KALRN: variants seen among roughly 807,000 people sequenced by gnomAD.
KALRN encodes the protein kalirin RhoGEF kinase, also known as kalirin.
A neutral mutation model predicts 353.7 loss-of-function variants in KALRN; 70 were observed. The ratio of observed to expected loss-of-function variants is 0.20; its 90% CI spans 0.16 to 0.24. The LOEUF (loss-of-function observed/expected upper bound fraction) is 0.24. Among genes scored for constraint, KALRN ranks in the 10% least tolerant of loss-of-function variants. KALRN has a pLI of 1.00. For missense variants in KALRN, 2,791 were observed against 3,756.7 expected (o/e 0.74, Z 6.72); for synonymous variants, 1,391 against 1,434.8 (o/e 0.97, Z 0.69).
At position 124,563,031 on chromosome 3, in the gene KALRN, G is replaced by A; in HGVS notation, c.5124G>A (p.Leu1708=). Residue 1708 remains leucine, a synonymous_variant, in exon 34 of 60, where the codon CTG becomes CTA. Coordinates refer to ENST00000682506, the MANE Select transcript of KALRN (RefSeq NM_001388419.1). ...PLEGLVPSSA[L]CISHSRSSVE... ...AGGGTCTGGTCCCCAGCAGCGCCCT[G>A]TGCATCTCACACTCCCGAAGCAGCG... 9 of 1,367,852 alleles carry A rather than the reference G, an allele frequency of 6.6e-6. No individual in the cohort carries two copies. Among genetic ancestry groups the A allele is most frequent in the South Asian group, 1.1e-5 (1 of 88,054 alleles). The allele number at this position is 1,367,852 out of a possible 1,614,324, so 84.7% of individuals were successfully genotyped here.
At chr3:124,183,178 G>C (rs1449107376) in intron 1 of KALRN, among the ~76,000 whole-genome samples, 1 of 152,192 alleles carries the variant, frequency 6.6e-6, no homozygotes, top group African/African-American at 2.4e-5. Context: ...GAGAGAGACT[G>C]TGTTAAGCTG....
At chr3:124,316,172 G>C (rs530096990) in intron 6 of KALRN, among the ~76,000 whole-genome samples, 1 of 152,148 alleles carries the variant, frequency 6.6e-6, no homozygotes, top group Non-Finnish European at 1.5e-5. Flanking sequence ...AATATATCCA[G>C]AATCTGGCCT....
At chr3:124,035,746 C>A (rs901851466) in intron 1 of KALRN, among the ~76,000 whole-genome samples, 1 of 152,238 alleles carries the variant, frequency 6.6e-6, no homozygotes, top group Non-Finnish European at 1.5e-5. Flanking sequence ...CTAACCCTGG[C>A]TCAAATCACA....
In KALRN at chr3:124,601,035, C is replaced by T. The variant is rs551478286; in HGVS notation, c.5183-31385C>T. 3.3e-5 allele frequency among the ~76,000 whole-genome samples: 5 copies of T among 152,294 alleles called. No individual in the cohort carries two copies. The East Asian group carries it at 9.6e-4, about 29-fold the overall frequency. ...GGCAATTCTCTGTCTTTAGTTCAGA[C>T]CTCTAAGAGCCAAGCATGGGTTAGG... On this transcript the variant is annotated intron_variant, in intron 34 of 59. Coordinates refer to ENST00000682506, the MANE Select transcript of KALRN (RefSeq NM_001388419.1).
intron 45 of KALRN, among the ~76,000 whole-genome samples, chr3:124,664,371 G>GTGTGCGCGCGCGCGCGCGTGCA (rs780486751): frequency 6.5e-5 from 5 of 77,044 alleles, no homozygotes; most frequent in African/African-American, 5.3e-4. Flanking sequence ...GTGTGTGTGT[G>GTGTGCGCGCGCGCGCGCGTGCA]CGCGCGCGCG....
At chr3:124,491,051 C>T (rs536181266) in intron 30 of KALRN, among the ~76,000 whole-genome samples, 167 bp downstream of exon 30, 8 of 152,276 alleles carry the variant, frequency 5.3e-5, no homozygotes, top group South Asian at 2.1e-4. Context: ...TCACCTCCCA[C>T]GTCTGCATTG....
intron 13 of KALRN, among the ~76,000 whole-genome samples, chr3:124,400,480 G>A (rs1288722901): frequency 6.6e-6 from 1 of 152,122 alleles, no homozygotes; most frequent in African/African-American, 2.4e-5. Context: ...CATAACCTTA[G>A]GAGAATTTAT....
At chr3:124,166,826 G>A (rs1389011890) in intron 1 of KALRN, among the ~76,000 whole-genome samples, 1 of 152,020 alleles carries the variant, frequency 6.6e-6, no homozygotes, top group African/African-American at 2.4e-5. Context: ...GTCACTGGAG[G>A]CCAGGAGTTT....
chr3:124,666,917 C>A, intron 46 of KALRN, 95 bp from the exon 47 acceptor site: 1 of 1,334,706 alleles, frequency 7.5e-7, no homozygotes, highest in Non-Finnish European at 1.0e-6. Context: ...AATTTGGAAG[C>A]TTGTCCTGAA....
At chr3:124,161,599 G>A (rs962402907) in intron 1 of KALRN, among the ~76,000 whole-genome samples, 1 of 152,160 alleles carries the variant, frequency 6.6e-6, no homozygotes, top group Non-Finnish European at 1.5e-5. Context: ...ATCTTCTGTG[G>A]CCTCCTGTAT....
chr3:124,072,877 G>A (rs1381457879), intron 1 of KALRN, among the ~76,000 whole-genome samples: 2 of 152,214 alleles, frequency 1.3e-5, no homozygotes, highest in Non-Finnish European at 2.9e-5. Flanking sequence ...AGCTGGTGGT[G>A]CCCATTCAGA....
chr3:124,717,399 G>A lies in KALRN; in HGVS notation c.8415+14G>A, dbSNP rs1206976765. On this transcript the variant is annotated intron_variant, in intron 59 of 59. Transcript: ENST00000682506. The stretch of plus-strand genomic sequence containing the variant: ...TTGGACATAAAGGTAATAAGAAGTG[G>A]CAACCTGCTGGGCGCAGTGGCTCAC... 1 of 1,579,952 alleles carries A rather than the reference G, an allele frequency of 6.3e-7. No individual in the cohort carries two copies. The highest frequency in any genetic ancestry group is 2.3e-5 in the East Asian group (1 of 44,206).
chr3:124,179,869 A>G (rs1362414214), intron 1 of KALRN, among the ~76,000 whole-genome samples: 8 of 152,224 alleles, frequency 5.3e-5, no homozygotes, highest in Non-Finnish European at 5.9e-5. Flanking sequence ...ATTGTACTGT[A>G]CTCACCTAGT....
chr3:124,565,389 AGAG>A (rs1410381893), intron 34 of KALRN, among the ~76,000 whole-genome samples: 7 of 152,356 alleles, frequency 4.6e-5, no homozygotes, highest in African/African-American at 1.2e-4. Context: ...AGTCTAGCCA[AGAG>A]GAGAAGAGGG....
rs78687408 is a variant in KALRN, at chr3:124,668,232, T to G, written c.6703+1049T>G. 2.3e-3 allele frequency among the ~76,000 whole-genome samples: 345 copies of G among 152,320 alleles called. 1 individual carries two copies. Among genetic ancestry groups the G allele is most frequent in the Admixed American group, 4.0e-3 (61 of 15,300 alleles). ...CACCCTCGGGTGTGTCACCTTTTCA[T>G]GCCAGTACTAGGATCTGGACTCTTT... On this transcript the variant is annotated intron_variant, in intron 47 of 59. Transcript: ENST00000682506.
At chr3:124,166,096 G>C (rs2070803866) in intron 1 of KALRN, among the ~76,000 whole-genome samples, 1 of 152,042 alleles carries the variant, frequency 6.6e-6, no homozygotes, top group African/African-American at 2.4e-5. Context: ...CCTCAAAGTG[G>C]CCTTTCTTAA....
chr3:124,368,406 C>G (rs1462809218), intron 10 of KALRN, among the ~76,000 whole-genome samples: 67 of 145,398 alleles, frequency 4.6e-4, no homozygotes, highest in African/African-American at 1.5e-3. Flanking sequence ...GGCAGAGGCG[C>G]TCCTCACATC....
At chr3:124,166,751 T>G (rs1254286715) in intron 1 of KALRN, among the ~76,000 whole-genome samples, 1 of 152,052 alleles carries the variant, frequency 6.6e-6, no homozygotes, top group East Asian at 1.9e-4. Flanking sequence ...ACATCTAAAT[T>G]TGGAGGGCCC....
chr3:124,208,983 T>TC (rs1184098716), intron 1 of KALRN, among the ~76,000 whole-genome samples: 7 of 151,358 alleles, frequency 4.6e-5, no homozygotes, highest in African/African-American at 1.7e-4. Flanking sequence ...ATAATAATAA[T>TC]AATCATCATC....
Sources: gnomAD v4.1 joint callset for allele counts (sites outside exome capture counted in the v4.1 genomes callset) on GRCh38, gnomAD v4.1.1 for gene constraint, MANE v1.5 for transcripts, NCBI Gene and HGNC (gene_info 2026-07-23, HGNC 2026-07-21) for gene names.